SPATS2L: variants seen among roughly 807,000 people sequenced by gnomAD.
SPATS2L encodes SPATS2-like protein.
SPATS2L carries 30 observed loss-of-function variants against 59.6 expected under a neutral mutation model. The observed-to-expected ratio is 0.50, with a 90% CI of 0.38 to 0.68. The LOEUF (loss-of-function observed/expected upper bound fraction) is 0.68, where lower values mean the gene tolerates loss of function less well. SPATS2L is among the 30% of genes least tolerant of loss of function. SPATS2L has a pLI of 0.00. For synonymous variants in SPATS2L, 252 were observed against 263.5 expected, an observed-to-expected ratio of 0.96 and a Z score of 0.42; for missense variants, 615 against 700.0, an observed-to-expected ratio of 0.88 and a Z score of 1.37.
chr2:200,375,717 C>T (rs886206994), intron 2 of SPATS2L, among the ~76,000 whole-genome samples: 2 of 152,208 alleles, frequency 1.3e-5, no homozygotes, highest in Non-Finnish European at 2.9e-5. Flanking sequence ...GCCTCCACCT[C>T]CCGGGCTCAA....
chr2:200,372,060 C>T (rs1350910241), intron 2 of SPATS2L: 1 of 985,396 alleles, frequency 1.0e-6, no homozygotes, highest in Non-Finnish European at 1.2e-6. Flanking sequence ...TGAGAGTGTG[C>T]CTTGTAGGTA....
At chr2:200,308,179 T>G (rs1350998122) in intron 1 of SPATS2L, among the ~76,000 whole-genome samples, 1 of 150,650 alleles carries the variant, frequency 6.6e-6, no homozygotes, top group Non-Finnish European at 1.5e-5. Context: ...TTCCAGAGTT[T>G]AAGCAGATGT....
intron 3 of SPATS2L, among the ~76,000 whole-genome samples, chr2:200,399,080 C>T (rs1385761730): frequency 1.3e-5 from 2 of 152,082 alleles, no homozygotes; most frequent in Non-Finnish European, 2.9e-5. Flanking sequence ...AAACATTATG[C>T]TAAGCACATT....
intron 2 of SPATS2L, among the ~76,000 whole-genome samples, chr2:200,342,267 A>C (rs2080357262): frequency 6.6e-6 from 1 of 152,200 alleles, no homozygotes; most frequent in East Asian, 1.9e-4. Context: ...GGTAGAAAGC[A>C]AGTCCAGAGA....
At chr2:200,440,838 A>T (rs2084647774) in intron 8 of SPATS2L, 54 bp downstream of exon 8, 67 of 1,568,170 alleles carry the variant, frequency 4.3e-5, no homozygotes, top group Non-Finnish European at 5.7e-5. Context: ...CTGTTCCAAC[A>T]GGTAAAAGTA....
rs779591064 is a variant in SPATS2L, at chr2:200,440,638, A to G, written c.653-11A>G. The G allele has an allele frequency of 6.2e-7, 1 of 1,608,886 alleles. No individual in the cohort carries two copies. The highest frequency in any genetic ancestry group is 8.5e-7 in the Non-Finnish European group (1 of 1,176,854). On this transcript the variant is annotated splice_polypyrimidine_tract_variant and intron_variant, in intron 7 of 12. Coordinates refer to ENST00000409140, the MANE Select transcript of SPATS2L (RefSeq NM_001100423.2). ...GCTCAAGTTAATAATATTTTTTGAC[A>G]TCAATTTTAGGCCCAAATATTGAGA...
At chr2:200,446,707 ACT>A (rs1480971630) in intron 8 of SPATS2L, among the ~76,000 whole-genome samples, 1 of 151,270 alleles carries the variant, frequency 6.6e-6, no homozygotes, top group East Asian at 1.9e-4. Context: ...AAGGATGGAG[ACT>A]CTTCCCTTTG....
rs186453527 is a variant in SPATS2L at position 200,458,852 on chromosome 2, A to C, written c.789-917A>C. The stretch of plus-strand genomic sequence containing the variant: ...TATAGTAAATTATTGTGGTCCCCAG[A>C]AGTCCTTATGTTTTAAAGATATATA... On this transcript the variant is annotated intron_variant, in intron 8 of 12. Coordinates refer to ENST00000409140, the MANE Select transcript of SPATS2L (RefSeq NM_001100423.2). Among the ~76,000 whole-genome samples the C allele has an allele frequency of 2.8e-4, 43 of 152,362 alleles. 1 individual carries two copies. The highest frequency in any genetic ancestry group is 1.5e-3 in the Admixed American group (23 of 15,302).
At chr2:200,420,756 T>TTA (rs1049159027) in intron 6 of SPATS2L, among the ~76,000 whole-genome samples, 2 of 152,102 alleles carry the variant, frequency 1.3e-5, no homozygotes, top group East Asian at 1.9e-4. Flanking sequence ...ACTCACATAA[T>TTA]TATATATATA....
At chr2:200,409,926 T>A (rs1437190279) in intron 3 of SPATS2L, among the ~76,000 whole-genome samples, 1 of 152,178 alleles carries the variant, frequency 6.6e-6, no homozygotes, top group Non-Finnish European at 1.5e-5. Context: ...CCACAAGTAG[T>A]GGTTTATTTT....
rs1166859099 is a variant in SPATS2L at position 200,480,204 on chromosome 2, G to C, written c.*2173G>C. 6.5e-6 allele frequency: 1 copy of C among 153,984 alleles called. No individual in the cohort carries two copies. Among genetic ancestry groups the C allele is most frequent in the Non-Finnish European group, 1.4e-5 (1 of 69,398 alleles). The allele number at this position is 153,984 out of a possible 1,614,324, so 9.5% of individuals were successfully genotyped here. A position where few individuals can be genotyped will look rare whatever the true frequency, so the allele number is the denominator to read the frequency against. On this transcript the variant is annotated 3_prime_UTR_variant, in exon 13 of 13. Transcript: ENST00000409140. ...GTTGAACCCAACCACTCTTGACCTC[G>C]ACTCACTCCCTTAGGGTTAAGAAAG...
chr2:200,473,035 A>G lies in SPATS2L; in HGVS notation c.1264A>G (p.Met422Val). 1 of 1,612,842 alleles carries G rather than the reference A, an allele frequency of 6.2e-7. No homozygotes were observed. Among genetic ancestry groups the G allele is most frequent in the Non-Finnish European group, 8.5e-7 (1 of 1,179,430 alleles). Residue 422 changes from methionine to valine, a missense_variant, in exon 12 of 13, where the codon ATG (methionine) becomes GTG (valine). Transcript: ENST00000409140. ...PSTADPSHQTMPANKQNGSSN... is the reference protein window; with the variant it reads ...PSTADPSHQTVPANKQNGSSN... ...CACCGCCGACCCCTCTCACCAGACC[A>G]TGCCGGCCAACAAGCAGGTAAGCCG... is the stretch of plus-strand genomic sequence containing the variant.
chr2:200,329,193 TCAA>T (rs2079853500), intron 1 of SPATS2L, among the ~76,000 whole-genome samples: 1 of 152,216 alleles, frequency 6.6e-6, no homozygotes. Flanking sequence ...TATCATCCAG[TCAA>T]CAACTTTGTG....
chr2:200,324,711 T>C (rs1009785654), intron 1 of SPATS2L, among the ~76,000 whole-genome samples: 1 of 152,182 alleles, frequency 6.6e-6, no homozygotes, highest in African/African-American at 2.4e-5. Flanking sequence ...ACAATAAATT[T>C]TACTTCATAA....
chr2:200,394,170 T>G (rs11891805), intron 3 of SPATS2L, among the ~76,000 whole-genome samples: 105 of 152,298 alleles, frequency 6.9e-4, no homozygotes, highest in African/African-American at 2.3e-3. Flanking sequence ...GCAATCAGAG[T>G]CTGGTCTCTT....
intron 4 of SPATS2L, among the ~76,000 whole-genome samples, chr2:200,413,926 T>TAGAGA (rs1359695464): frequency 6.6e-6 from 1 of 152,214 alleles, no homozygotes; most frequent in Non-Finnish European, 1.5e-5. Flanking sequence ...GAGAATGCAG[T>TAGAGA]ATTAATCTAA....
intron 3 of SPATS2L, among the ~76,000 whole-genome samples, chr2:200,408,247 G>T (rs73986867): frequency 0.02 from 3,063 of 152,306 alleles, 105 homozygotes; most frequent in African/African-American, 0.07. Flanking sequence ...TGGGGAGCTT[G>T]TCTGTGAAGG....
intron 3 of SPATS2L, among the ~76,000 whole-genome samples, chr2:200,401,104 T>G (rs1408746196): frequency 1.3e-5 from 2 of 152,210 alleles, no homozygotes; most frequent in Non-Finnish European, 2.9e-5. Context: ...CTCTCTGGGC[T>G]GCCATGTAAA....
At chr2:200,399,239 G>C (rs1384364200) in intron 3 of SPATS2L, among the ~76,000 whole-genome samples, 2 of 151,962 alleles carry the variant, frequency 1.3e-5, no homozygotes, top group East Asian at 3.9e-4. Context: ...CCTCCTTCCA[G>C]GCCCTGGAAA....
Sources: allele counts gnomAD v4.1 joint callset (sites outside exome capture counted in the v4.1 genomes callset), GRCh38; gene constraint gnomAD v4.1.1; transcripts MANE v1.5; gene names NCBI Gene and HGNC (gene_info 2026-07-23, HGNC 2026-07-21).